Variants in DNAH6 observed in about 807,000 individuals in gnomAD.
The protein encoded by DNAH6 is dynein axonemal heavy chain 6.
In DNAH6, 340 loss-of-function variants were observed where a neutral mutation model predicts 491.4. The observed-to-expected ratio is 0.69, with a 90% CI of 0.63 to 0.76. The LOEUF (loss-of-function observed/expected upper bound fraction) is 0.76. DNAH6 is among the 30% of genes least tolerant of loss of function. DNAH6 has a pLI of 0.00. For synonymous variants in DNAH6, 1,603 were observed against 1,686.1 expected (o/e 0.95, Z 1.21); for missense variants, 4,443 against 4,972.2 (o/e 0.89, Z 3.20).
chr2:84,643,453 ATTTC>A (rs1443803236), intron 33 of DNAH6, among the ~76,000 whole-genome samples: 1 of 151,896 alleles, frequency 6.6e-6, no homozygotes, highest in Non-Finnish European at 1.5e-5. Context: ...TCTTTCAAAT[ATTTC>A]TTCTGTTTTT....
At chr2:84,691,294 G>T (rs1694826863) in intron 45 of DNAH6, among the ~76,000 whole-genome samples, 1 of 152,198 alleles carries the variant, frequency 6.6e-6, no homozygotes, top group African/African-American at 2.4e-5. Context: ...TAAGGAAAGA[G>T]TGACATATAA....
intron 57 of DNAH6, among the ~76,000 whole-genome samples, chr2:84,713,594 C>A (rs1048855905): frequency 1.6e-4 from 24 of 152,258 alleles, no homozygotes; most frequent in African/African-American, 5.5e-4. Flanking sequence ...CATAGGGCAT[C>A]CCCCTTTTAA....
At chr2:84,482,215 C>T in the DNAH6 span, among the ~76,000 whole-genome samples, 3 of 152,122 alleles carry the variant, frequency 2.0e-5, no homozygotes, top group Non-Finnish European at 4.4e-5. Flanking sequence ...TGGATCATAA[C>T]GCCTACCTCA....
chr2:84,632,999 G>T (rs992229263), intron 29 of DNAH6, among the ~76,000 whole-genome samples: 1 of 152,108 alleles, frequency 6.6e-6, no homozygotes, highest in African/African-American at 2.4e-5. Context: ...TAAACAGCTT[G>T]TTTCCCCCAA....
intron 18 of DNAH6, among the ~76,000 whole-genome samples, chr2:84,601,845 C>CA (rs1425204853): frequency 6.6e-6 from 1 of 151,782 alleles, no homozygotes; most frequent in Non-Finnish European, 1.5e-5. Context: ...TTTATCTTCT[C>CA]AATGAGATTA....
Position 84,779,072 on chromosome 2 carries a change from T to G in DNAH6, c.10704-2421T>G, listed in dbSNP as rs143474549. Among the ~76,000 whole-genome samples, 398 of 152,328 alleles carry G rather than the reference T, an allele frequency of 2.6e-3. 2 individuals carry two copies. The highest frequency in any genetic ancestry group is 9.0e-3 in the African/African-American group (374 of 41,576). On this transcript the variant is annotated intron_variant, in intron 64 of 76. Transcript: ENST00000389394. ...ATTATGGTTGAGCATGTGGTTGATCTTAGACTGTGTTCCACATACAGATGA... is the reference window on the plus strand; with the variant it reads ...ATTATGGTTGAGCATGTGGTTGATCGTAGACTGTGTTCCACATACAGATGA...
chr2:84,465,238 G>C, the DNAH6 span, among the ~76,000 whole-genome samples: 3 of 152,202 alleles, frequency 2.0e-5, no homozygotes, highest in African/African-American at 7.2e-5. Flanking sequence ...GCTAACGCCT[G>C]TAATCCCAGC....
chr2:84,698,753 A>G (rs577012403), intron 47 of DNAH6, among the ~76,000 whole-genome samples: 176 of 152,364 alleles, frequency 1.2e-3, no homozygotes, highest in Admixed American at 4.8e-3. Flanking sequence ...TCATTGCAGC[A>G]CTATTCACAA....
chr2:84,713,777 A>G (rs562304272), intron 57 of DNAH6, among the ~76,000 whole-genome samples: 32 of 152,284 alleles, frequency 2.1e-4, no homozygotes, highest in African/African-American at 6.5e-4. Flanking sequence ...GAGGTCACCC[A>G]TTTGAAAACT....
intron 45 of DNAH6, among the ~76,000 whole-genome samples, chr2:84,689,994 G>A (rs946652490): frequency 1.3e-5 from 2 of 152,110 alleles, no homozygotes; most frequent in Non-Finnish European, 2.9e-5. Flanking sequence ...ATTGCGTGTT[G>A]GAGATTATTT....
intron 11 of DNAH6, among the ~76,000 whole-genome samples, chr2:84,571,173 T>C (rs976298646): frequency 5.3e-5 from 8 of 152,230 alleles, no homozygotes; most frequent in African/African-American, 2.4e-5. Context: ...AAAGTTTTTC[T>C]TTGGTAGAAT....
intron 37 of DNAH6, among the ~76,000 whole-genome samples, chr2:84,662,402 C>T (rs1312379266): frequency 6.6e-6 from 1 of 151,720 alleles, no homozygotes; most frequent in Non-Finnish European, 1.5e-5. Context: ...ACACTCCCAC[C>T]CTAATACTGT....
chr2:84,477,235 A>AT, the DNAH6 span, among the ~76,000 whole-genome samples: 2 of 152,186 alleles, frequency 1.3e-5, no homozygotes, highest in African/African-American at 4.8e-5. Flanking sequence ...CAGGCTCATG[A>AT]TCTACAGCTG....
chr2:84,818,829 T>C (rs1370034258), intron 76 of DNAH6, among the ~76,000 whole-genome samples: 1 of 152,234 alleles, frequency 6.6e-6, no homozygotes, highest in African/African-American at 2.4e-5. Flanking sequence ...ATCCCAGCAC[T>C]TTGGGAGGCC....
Position 84,640,433 on chromosome 2 carries a change from A to G in DNAH6, c.4825A>G (p.Ile1609Val). 6.8e-7 allele frequency: 1 copy of G among 1,481,214 alleles called. No individual in the cohort carries two copies. Among genetic ancestry groups the G allele is most frequent in the Admixed American group, 2.0e-5 (1 of 50,650 alleles). 91.8% of individuals were successfully genotyped at this position (1,481,214 alleles called of 1,614,324 possible). Residue 1609 changes from isoleucine (I) to valine (V), a missense_variant, in exon 32 of 77, where the codon ATT (isoleucine) becomes GTT (valine). By Grantham distance (29) the Ile-to-Val change is conservative (BLOSUM62 3). Around this residue, in one of 3 missense-constraint regions of DNAH6, gnomAD observed 2,977 missense variants for 3,296.6 expected, o/e 0.90. Transcript: ENST00000389394. ...VPNYALIAEVILYSEGFESSK... is the reference protein window; with the variant it reads ...VPNYALIAEVVLYSEGFESSK... ...TGCATTATTTTTTCTATTCTAGGTA[A>G]TTCTATATTCTGAAGGATTTGAATC... is the stretch of plus-strand genomic sequence containing the variant.
intron 51 of DNAH6, 95 bp downstream of exon 51, chr2:84,704,397 C>A: frequency 1.1e-6 from 1 of 902,316 alleles, no homozygotes; most frequent in Non-Finnish European, 1.7e-6. Context: ...CCCTTCTCCA[C>A]CTTCTCATTG....
At chr2:84,722,163 T>A (rs1193154058) in intron 59 of DNAH6, among the ~76,000 whole-genome samples, 1 of 152,218 alleles carries the variant, frequency 6.6e-6, no homozygotes, top group Non-Finnish European at 1.5e-5. Flanking sequence ...TCACCCTTGT[T>A]ATTCCAGGGA....
chr2:84,673,689 T>C (rs1206090927), intron 40 of DNAH6, among the ~76,000 whole-genome samples: 2 of 152,170 alleles, frequency 1.3e-5, no homozygotes. Flanking sequence ...GCAGGAAGCA[T>C]CCAGCATGGG....
chr2:84,718,797 C>A (rs140726603), intron 59 of DNAH6, among the ~76,000 whole-genome samples: 99 of 152,300 alleles, frequency 6.5e-4, no homozygotes, highest in African/African-American at 2.2e-3. Flanking sequence ...TATCCTATGT[C>A]ACAGTTATCC....
Sources: gnomAD v4.1 joint callset for allele counts (sites outside exome capture counted in the v4.1 genomes callset) on GRCh38, gnomAD v4.1.1 for gene constraint, gnomAD v4.1.1 regional missense constraint, MANE v1.5 for transcripts, NCBI Gene and HGNC (gene_info 2026-07-23, HGNC 2026-07-21) for gene names.